CFAP251: variants seen among roughly 807,000 people sequenced by gnomAD.
CFAP251 encodes cilia and flagella associated protein 251.
In CFAP251, 93 loss-of-function variants were observed where a neutral mutation model predicts 126.7. The observed-to-expected ratio is 0.73, with a 90% CI of 0.62 to 0.87. CFAP251 has a LOEUF of 0.87. CFAP251 is among the 40% of genes least tolerant of loss of function. CFAP251 has a pLI of 0.00. For missense variants in CFAP251, 1,287 were observed against 1,389.2 expected (o/e 0.93, Z 1.17); for synonymous variants, 503 against 506.9 (o/e 0.99, Z 0.10).
At chr12:121,963,846 G>T (rs949448073) in intron 15 of CFAP251, among the ~76,000 whole-genome samples, 2 of 151,546 alleles carry the variant, frequency 1.3e-5, no homozygotes, top group Non-Finnish European at 2.9e-5. Flanking sequence ...TCTACTCAGC[G>T]CTGTGGGGCC....
chr12:121,930,733 T>C (rs1880648084), intron 3 of CFAP251, among the ~76,000 whole-genome samples: 1 of 147,064 alleles, frequency 6.8e-6, no homozygotes. Flanking sequence ...CCAGGCTGAA[T>C]AATTAATTGC....
intron 7 of CFAP251, among the ~76,000 whole-genome samples, chr12:121,946,685 C>A (rs1881338255): frequency 6.6e-6 from 1 of 151,980 alleles, no homozygotes; most frequent in Admixed American, 6.6e-5. Flanking sequence ...GCAGCCTTGA[C>A]CTCTTAGGCT....
chr12:121,961,091 T>C (rs1266812476), intron 14 of CFAP251, among the ~76,000 whole-genome samples: 2 of 152,150 alleles, frequency 1.3e-5, no homozygotes, highest in African/African-American at 4.8e-5. Flanking sequence ...TGTCTTCATG[T>C]CCATCAGTTG....
chr12:121,987,654 G>A (rs546346943), intron 19 of CFAP251, among the ~76,000 whole-genome samples: 1 of 150,942 alleles, frequency 6.6e-6, no homozygotes, highest in East Asian at 2.0e-4. Context: ...GGCGGAGGTT[G>A]CAGTGAGCTA....
At chr12:121,940,823 C>A (rs1276067251) in intron 5 of CFAP251, among the ~76,000 whole-genome samples, 1 of 152,056 alleles carries the variant, frequency 6.6e-6, no homozygotes, top group East Asian at 1.9e-4. Context: ...CACCCAAACC[C>A]CATCTTCAGA....
chr12:121,993,717 G>A (rs1391132276), intron 19 of CFAP251, among the ~76,000 whole-genome samples: 1 of 150,072 alleles, frequency 6.7e-6, no homozygotes, highest in South Asian at 2.1e-4. Context: ...GAAGTGAGGA[G>A]ACCCTCTGCC....
At chr12:121,932,940 C>A in intron 4 of CFAP251, 1 of 152,744 alleles carries the variant, frequency 6.5e-6, no homozygotes, top group Non-Finnish European at 1.5e-5. Flanking sequence ...CGCAGATGGG[C>A]TGGGGTGGAA....
At chr12:121,924,210 A>G (rs1880310513) in intron 3 of CFAP251, among the ~76,000 whole-genome samples, 2 of 151,964 alleles carry the variant, frequency 1.3e-5, no homozygotes, top group South Asian at 4.1e-4. Context: ...CCCAGGTTCA[A>G]GCAATTCTTG....
chr12:121,953,163 C>T (rs1237093944), intron 9 of CFAP251: 6 of 152,208 alleles, frequency 3.9e-5, no homozygotes, highest in Non-Finnish European at 1.5e-5. Flanking sequence ...TCACAGCATT[C>T]TTTTGCTTAG....
chr12:121,931,241 G>A (rs1362091518), intron 3 of CFAP251, among the ~76,000 whole-genome samples: 1 of 152,128 alleles, frequency 6.6e-6, no homozygotes, highest in Non-Finnish European at 1.5e-5. Flanking sequence ...CTTTTCTAAT[G>A]GAGATATAAT....
Position 121,958,446 on chromosome 12 carries a change from T to C in CFAP251, c.1905T>C (p.Tyr635=). 2.5e-6 allele frequency: 4 copies of C among 1,614,256 alleles called. No homozygotes were observed. The highest frequency in any genetic ancestry group is 2.5e-6 in the Non-Finnish European group (3 of 1,180,044). Residue 635 remains tyrosine, a synonymous_variant, in exon 12 of 22, where the codon TAT becomes TAC. Transcript: ENST00000288912. ...SICGMIKVWN[Y]ENKQYLFSRV... ...GTGGGATGATCAAAGTGTGGAATTA[T>C]GAAAACAAACAATATCTTTTCAGCA...
intron 3 of CFAP251, among the ~76,000 whole-genome samples, chr12:121,928,637 C>T (rs10545618): frequency 0.01 from 42 of 4,094 alleles, 1 homozygote; most frequent in Non-Finnish European, 0.016. Context: ...TATATATATA[C>T]GTATATATAT....
chr12:121,925,460 C>T (rs535735772), intron 3 of CFAP251, among the ~76,000 whole-genome samples: 63 of 152,162 alleles, frequency 4.1e-4, no homozygotes, highest in Admixed American at 2.6e-3. Flanking sequence ...AGTAAGTGTC[C>T]GCAACTGTGT....
intron 2 of CFAP251, among the ~76,000 whole-genome samples, chr12:121,923,079 A>G (rs567654572): frequency 1.3e-4 from 19 of 150,822 alleles, no homozygotes; most frequent in East Asian, 9.9e-4. Context: ...ACAGGCGTGA[A>G]CCACCGTGCC....
At chr12:121,967,955 C>G (rs760981620) in intron 16 of CFAP251, 51 bp from the exon 17 acceptor site, 34 of 1,540,298 alleles carry the variant, frequency 2.2e-5, no homozygotes, top group Non-Finnish European at 3.0e-5. Flanking sequence ...CCAGGCCTCT[C>G]TCGGGCCCAG....
rs1246449586 is a variant in CFAP251 at position 121,975,721 on chromosome 12, T to C, written c.3006+36T>C. 2.0e-6 allele frequency: 3 copies of C among 1,532,276 alleles called. No individual in the cohort carries two copies. In the African/African-American group the frequency reaches 4.2e-5, roughly 21 times the overall value. The allele number at this position is 1,532,276 out of a possible 1,614,324, so 94.9% of individuals were successfully genotyped here. ...CGAAAACAAGAGCAGCAACGGGATGTGCTATTTATAAAAAACAACCTCTGG... is the reference window on the plus strand; with the variant it reads ...CGAAAACAAGAGCAGCAACGGGATGCGCTATTTATAAAAAACAACCTCTGG... On this transcript the variant is annotated intron_variant, in intron 19 of 21. Coordinates refer to ENST00000288912, the MANE Select transcript of CFAP251 (RefSeq NM_144668.6).
chr12:121,931,940 G>T, intron 4 of CFAP251, 54 bp downstream of exon 4: 1 of 1,408,756 alleles, frequency 7.1e-7, no homozygotes, highest in Non-Finnish European at 9.3e-7. Context: ...ACGTGCGTGT[G>T]GTATTTTGTT....
At chr12:122,001,298 C>T (rs544505972) in intron 20 of CFAP251, among the ~76,000 whole-genome samples, 199 bp from the exon 21 acceptor site, 21 of 152,104 alleles carry the variant, frequency 1.4e-4, no homozygotes, top group Admixed American at 2.6e-4. Flanking sequence ...TCAAGTGATA[C>T]GCCCACCTTG....
At chr12:121,965,907 C>T (rs1273157354) in intron 15 of CFAP251, among the ~76,000 whole-genome samples, 1 of 150,132 alleles carries the variant, frequency 6.7e-6, no homozygotes, top group Non-Finnish European at 1.5e-5. Context: ...GCAGCCTCGA[C>T]CTCCCAGGCT....
Sources: gnomAD v4.1 joint callset for allele counts (sites outside exome capture counted in the v4.1 genomes callset) on GRCh38, gnomAD v4.1.1 for gene constraint, MANE v1.5 for transcripts, NCBI Gene and HGNC (gene_info 2026-07-23, HGNC 2026-07-21) for gene names.